The following CHRM3 variants were observed in gnomAD, a reference collection of about 807,000 sequenced individuals.
CHRM3 encodes cholinergic receptor muscarinic 3.
CHRM3 carries 11 observed loss-of-function variants against 41.8 expected under a neutral mutation model. The observed-to-expected ratio is 0.26, with a 90% confidence interval of 0.17 to 0.44. CHRM3 has a LOEUF of 0.44. CHRM3 is among the 20% of genes least tolerant of loss of function. The pLI is 1.00. For missense variants in CHRM3, 571 were observed against 745.4 expected (o/e 0.77, Z 2.72); for synonymous variants, 297 against 301.4 (o/e 0.99, Z 0.15).
chr1:239,535,216 A>T (rs535389189), intron 2 of CHRM3, among the ~76,000 whole-genome samples: 1 of 152,256 alleles, frequency 6.6e-6, no homozygotes, highest in Non-Finnish European at 1.5e-5. Context: ...GTACCAATCA[A>T]CCGTGCCAGT....
At chr1:239,715,404 G>A (rs1426163640) in intron 5 of CHRM3, among the ~76,000 whole-genome samples, 1 of 152,116 alleles carries the variant, frequency 6.6e-6, no homozygotes, top group Non-Finnish European at 1.5e-5. Flanking sequence ...GCCTCCAGAG[G>A]AGAAATAAAA....
At chr1:239,566,082 A>T (rs983709245) in intron 3 of CHRM3, among the ~76,000 whole-genome samples, 5 of 145,690 alleles carry the variant, frequency 3.4e-5, no homozygotes, top group Middle Eastern at 3.5e-3. Flanking sequence ...GCCTGGCTGT[A>T]TTTTTTTTTT....
chr1:239,661,161 A>G (rs1421070161), intron 4 of CHRM3, among the ~76,000 whole-genome samples: 1 of 152,146 alleles, frequency 6.6e-6, no homozygotes, highest in Non-Finnish European at 1.5e-5. Flanking sequence ...AAGAACTCCT[A>G]TTTTTAAATG....
At chr1:239,660,911 G>A (rs1229607301) in intron 4 of CHRM3, among the ~76,000 whole-genome samples, 2 of 152,128 alleles carry the variant, frequency 1.3e-5, no homozygotes, top group Non-Finnish European at 2.9e-5. Context: ...AATATTTGTT[G>A]AAGACTTCTT....
chr1:239,865,900 G>T (rs1427537063), intron 6 of CHRM3, among the ~76,000 whole-genome samples: 2 of 152,160 alleles, frequency 1.3e-5, no homozygotes, highest in African/African-American at 4.8e-5. Context: ...TCAGAGAAGT[G>T]CCCAGGACAG....
intron 5 of CHRM3, among the ~76,000 whole-genome samples, chr1:239,723,164 A>G (rs911266664): frequency 6.6e-6 from 1 of 151,938 alleles, no homozygotes; most frequent in African/African-American, 2.4e-5. Flanking sequence ...AACTATGTCC[A>G]TTTATTTAGC....
intron 3 of CHRM3, among the ~76,000 whole-genome samples, chr1:239,600,371 C>T (rs2148683170): frequency 6.6e-6 from 1 of 152,042 alleles, no homozygotes; most frequent in East Asian, 1.9e-4. Context: ...TTCAGCCATA[C>T]TCCATTTCGC....
At chr1:239,488,952 G>C (rs1012225197) in intron 1 of CHRM3, among the ~76,000 whole-genome samples, 1 of 152,066 alleles carries the variant, frequency 6.6e-6, no homozygotes, top group African/African-American at 2.4e-5. Context: ...TTAGGAGAAC[G>C]TTTGGGAAGG....
At position 239,752,955 on chromosome 1, in the gene CHRM3, T is replaced by C. The variant is rs183536260; in HGVS notation, c.-146-74297T>C. On this transcript the variant is annotated intron_variant, in intron 5 of 6. Transcript: ENST00000676153. ...AGCTTCAAGATATATATCATTTTTA[T>C]TGATACTTACATAGAAGAAGATAGG... is the stretch of plus-strand genomic sequence containing the variant. 3.5e-4 allele frequency among the ~76,000 whole-genome samples: 54 copies of C among 152,312 alleles called. 1 individual carries two copies. The South Asian group carries it at 7.7e-3, about 22-fold the overall frequency.
At chr1:239,810,483 A>T (rs1323533578) in intron 5 of CHRM3, among the ~76,000 whole-genome samples, 1 of 152,142 alleles carries the variant, frequency 6.6e-6, no homozygotes, top group African/African-American at 2.4e-5. Flanking sequence ...GCTTCTCAAG[A>T]TCATTGAGGG....
chr1:239,474,426 A>G (rs1343265398), intron 1 of CHRM3, among the ~76,000 whole-genome samples: 1 of 152,094 alleles, frequency 6.6e-6, no homozygotes, highest in African/African-American at 2.4e-5. Flanking sequence ...TAACACATAC[A>G]TCATGTATAT....
chr1:239,880,473 T>C (rs182289062), intron 6 of CHRM3, among the ~76,000 whole-genome samples: 1 of 152,314 alleles, frequency 6.6e-6, no homozygotes, highest in Non-Finnish European at 1.5e-5. Flanking sequence ...TATTTGGCCA[T>C]GCAACTTTAG....
rs553698972 is a variant in CHRM3, at chr1:239,433,192, A to G, written c.-521+45965A>G. Among the ~76,000 whole-genome samples, 6 of 152,312 alleles carry G rather than the reference A, an allele frequency of 3.9e-5. No homozygotes were observed. In the South Asian group the frequency reaches 1.2e-3, roughly 32 times the overall value. On this transcript the variant is annotated intron_variant, in intron 1 of 6. Transcript: ENST00000676153. ...AAGAATCTTATCCTATTCTAAGAAT[A>G]GGTTTATAGTCTCACATTAGATACT... is the stretch of plus-strand genomic sequence containing the variant.
intron 6 of CHRM3, among the ~76,000 whole-genome samples, chr1:239,880,958 A>T (rs1677536132): frequency 6.6e-6 from 1 of 152,172 alleles, no homozygotes; most frequent in South Asian, 2.1e-4. Context: ...CAAGATAGTA[A>T]TAAAGACAGC....
intron 1 of CHRM3, among the ~76,000 whole-genome samples, chr1:239,423,982 G>A (rs952534201): frequency 9.3e-5 from 14 of 150,396 alleles, no homozygotes; most frequent in African/African-American, 3.4e-4. Flanking sequence ...GTGAACCCAG[G>A]AGGTGGAGCT....
At chr1:239,835,908 A>G (rs374583572) in intron 6 of CHRM3, among the ~76,000 whole-genome samples, 1 of 152,262 alleles carries the variant, frequency 6.6e-6, no homozygotes. Flanking sequence ...GGGAGACTCA[A>G]TGTCAAGCTA....
intron 5 of CHRM3, chr1:239,707,008 G>T (rs541534153): frequency 2.9e-4 from 44 of 152,316 alleles, no homozygotes; most frequent in African/African-American, 9.6e-4. Context: ...GGCAATGTAT[G>T]GTAGTAGAAG....
intron 6 of CHRM3, among the ~76,000 whole-genome samples, chr1:239,900,028 C>T (rs1679393613): frequency 6.6e-6 from 1 of 152,200 alleles, no homozygotes; most frequent in Non-Finnish European, 1.5e-5. Context: ...CTGTTCCCAC[C>T]ACCTGTTTAT....
At chr1:239,876,381 G>A (rs1677111675) in intron 6 of CHRM3, among the ~76,000 whole-genome samples, 1 of 152,186 alleles carries the variant, frequency 6.6e-6, no homozygotes, top group Admixed American at 6.5e-5. Flanking sequence ...CAAAAGGGCG[G>A]ATTGGTGACA....
Sources: gnomAD v4.1 joint callset for allele counts (sites outside exome capture counted in the v4.1 genomes callset) on GRCh38, gnomAD v4.1.1 for gene constraint, MANE v1.5 for transcripts, NCBI Gene and HGNC (gene_info 2026-07-23, HGNC 2026-07-21) for gene names.